Variants in PLS1 observed in about 807,000 individuals in gnomAD.
The protein encoded by PLS1 is plastin 1.
A neutral mutation model predicts 73.7 loss-of-function variants in PLS1; 32 were observed. The observed-to-expected ratio is 0.43, with a 90% CI of 0.33 to 0.58. The LOEUF is 0.58. Ranked by LOEUF, PLS1 falls within the 20% of genes least tolerant of loss-of-function variation. The pLI is 0.04. For missense variants in PLS1, 633 were observed against 740.5 expected, an observed-to-expected ratio of 0.85 and a Z score of 1.68; for synonymous variants, 217 against 261.3, an observed-to-expected ratio of 0.83 and a Z score of 1.63.
intron 1 of PLS1, among the ~76,000 whole-genome samples, chr3:142,640,428 G>C (rs998112771): frequency 6.6e-6 from 1 of 152,158 alleles, no homozygotes; most frequent in Non-Finnish European, 1.5e-5. Flanking sequence ...ATGAAGGCAG[G>C]ATGAACAGAA....
intron 14 of PLS1, among the ~76,000 whole-genome samples, chr3:142,709,994 A>G (rs73002093): frequency 0.07 from 10,642 of 152,038 alleles, 1,223 homozygotes; most frequent in African/African-American, 0.24. Flanking sequence ...TAAGAATCCT[A>G]TGACATTCTA....
chr3:142,706,120 G>A (rs1041188714), intron 14 of PLS1, among the ~76,000 whole-genome samples: 2 of 151,934 alleles, frequency 1.3e-5, no homozygotes, highest in Non-Finnish European at 2.9e-5. Flanking sequence ...AAATATTTAG[G>A]AGCAAATTAA....
Position 142,669,426 on chromosome 3 carries a change from T to G in PLS1, c.107T>G (p.Leu36Arg), listed in dbSNP as rs1196071387. Residue 36 changes from leucine to arginine, a missense_variant, in exon 3 of 16, where the codon CTT (leucine) becomes CGT (arginine). Transcript: ENST00000457734. The part of the protein sequence containing the change: ...DNSGYVSDYE[L>R]QDLFKEASLP... Reference sequence around the variant, plus strand: ...AGTGGGTATGTCAGTGACTATGAACTTCAAGACCTGTTTAAGGAAGCAAGC... The same window carrying G: ...AGTGGGTATGTCAGTGACTATGAACGTCAAGACCTGTTTAAGGAAGCAAGC... 6.2e-7 allele frequency: 1 copy of G among 1,603,524 alleles called. No homozygotes were observed. Among genetic ancestry groups the G allele is most frequent in the South Asian group, 1.1e-5 (1 of 90,732 alleles).
intron 1 of PLS1, among the ~76,000 whole-genome samples, chr3:142,620,711 A>C (rs566076820): frequency 6.6e-6 from 1 of 152,180 alleles, no homozygotes; most frequent in South Asian, 2.1e-4. Flanking sequence ...TCAAATATTC[A>C]TAGGCTGTTA....
At position 142,661,502 on chromosome 3, in the gene PLS1, T is replaced by C. The variant is rs553973212; in HGVS notation, c.-36-2700T>C. Among the ~76,000 whole-genome samples, 11 of 152,278 alleles carry C rather than the reference T, an allele frequency of 7.2e-5. No individual in the cohort carries two copies. In the East Asian group the frequency reaches 1.4e-3, roughly 19 times the overall value. The stretch of plus-strand genomic sequence containing the variant: ...AAGAACACCAAAATTCCTGAATAAA[T>C]TTGTGTACAGATCACAAATGAGCCA... On this transcript the variant is annotated intron_variant, in intron 1 of 15. Transcript: ENST00000457734.
At chr3:142,596,659 G>GC (rs2035821479) in intron 1 of PLS1, 150 bp downstream of exon 1, 1 of 152,408 alleles carries the variant, frequency 6.6e-6, no homozygotes, top group Non-Finnish European at 1.5e-5. Context: ...GCAGTGTGGC[G>GC]CCCGCCGTCC....
intron 1 of PLS1, among the ~76,000 whole-genome samples, chr3:142,627,495 A>G (rs897262229): frequency 6.6e-6 from 1 of 152,046 alleles, no homozygotes; most frequent in Admixed American, 6.6e-5. Flanking sequence ...TCTCAGGAAA[A>G]TTTTTGTCAG....
At chr3:142,637,982 G>A (rs568137588) in intron 1 of PLS1, among the ~76,000 whole-genome samples, 1 of 152,116 alleles carries the variant, frequency 6.6e-6, no homozygotes, top group African/African-American at 2.4e-5. Context: ...GCTAGCCAGC[G>A]CCATCGGAAA....
chr3:142,665,751 T>C (rs1259307187), intron 2 of PLS1, among the ~76,000 whole-genome samples: 1 of 152,166 alleles, frequency 6.6e-6, no homozygotes, highest in East Asian at 1.9e-4. Flanking sequence ...TAATATAATC[T>C]TGCAATATTT....
At chr3:142,641,355 G>A (rs2108613581) in intron 1 of PLS1, among the ~76,000 whole-genome samples, 1 of 147,952 alleles carries the variant, frequency 6.8e-6, no homozygotes, top group East Asian at 2.0e-4. Context: ...AAATATACAA[G>A]TATATAGAAA....
At position 142,669,503 on chromosome 3, in the gene PLS1, G is replaced by A; in HGVS notation, c.184G>A (p.Val62Ile). 1 of 1,613,646 alleles carries A rather than the reference G, an allele frequency of 6.2e-7. No homozygotes were observed. Among genetic ancestry groups the A allele is most frequent in the Non-Finnish European group, 8.5e-7 (1 of 1,179,700 alleles). Reference protein sequence around the residue: ...VREIVEKILSVADSNKDGKIS... With the variant: ...VREIVEKILSIADSNKDGKIS... The stretch of plus-strand genomic sequence containing the variant: ...CGAGATTGTGGAGAAAATTCTATCA[G>A]TTGCTGACAGCAACAAAGATGGCAA... The change falls in exon 3 of 16, where the codon GTT (valine) becomes ATT (isoleucine). Residue 62 changes from valine to isoleucine, a missense_variant. Coordinates refer to ENST00000457734, the MANE Select transcript of PLS1 (RefSeq NM_001145319.2).
At chr3:142,708,043 G>T (rs901632394) in intron 14 of PLS1, among the ~76,000 whole-genome samples, 7 of 152,062 alleles carry the variant, frequency 4.6e-5, no homozygotes, top group Admixed American at 4.6e-4. Flanking sequence ...TACTAAGATT[G>T]TTGTTAGACT....
chr3:142,632,248 A>G (rs1174964196), intron 1 of PLS1, among the ~76,000 whole-genome samples: 1 of 152,190 alleles, frequency 6.6e-6, no homozygotes, highest in Non-Finnish European at 1.5e-5. Flanking sequence ...AAATAACCCC[A>G]TCACAATTTG....
intron 10 of PLS1, 142 bp from the exon 11 acceptor site, chr3:142,694,322 CTTTTT>C (rs1224420034): frequency 6.5e-6 from 3 of 460,962 alleles, no homozygotes; most frequent in Non-Finnish European, 7.7e-6. Context: ...CATTAAGAGA[CTTTTT>C]TTCTCCCTTT....
intron 1 of PLS1, among the ~76,000 whole-genome samples, chr3:142,651,575 C>T (rs564145502): frequency 3.9e-5 from 6 of 152,208 alleles, no homozygotes; most frequent in Non-Finnish European, 5.9e-5. Context: ...AATCCTCCCA[C>T]CTCAGCCTTT....
At chr3:142,614,464 T>G (rs2036178908) in intron 1 of PLS1, among the ~76,000 whole-genome samples, 1 of 152,242 alleles carries the variant, frequency 6.6e-6, no homozygotes, top group Non-Finnish European at 1.5e-5. Flanking sequence ...ACAGCAACCC[T>G]GGCTTAGCCC....
At chr3:142,628,313 T>G (rs1232229995) in intron 1 of PLS1, among the ~76,000 whole-genome samples, 1 of 151,546 alleles carries the variant, frequency 6.6e-6, no homozygotes, top group African/African-American at 2.4e-5. Flanking sequence ...GGAATAAAGA[T>G]GGGTCCCAGA....
At chr3:142,654,609 C>T (rs2037178346) in intron 1 of PLS1, among the ~76,000 whole-genome samples, 1 of 152,156 alleles carries the variant, frequency 6.6e-6, no homozygotes, top group Admixed American at 6.6e-5. Flanking sequence ...TGGCCTTGGC[C>T]TCCCAAAGTG....
chr3:142,673,952 T>C (rs2037665773), intron 4 of PLS1: 2 of 152,234 alleles, frequency 1.3e-5, no homozygotes, highest in South Asian at 4.1e-4. Flanking sequence ...GCCATCCTAG[T>C]GGTTGTGATG....
Sources: gnomAD v4.1 joint callset for allele counts (sites outside exome capture counted in the v4.1 genomes callset) on GRCh38, gnomAD v4.1.1 for gene constraint, MANE v1.5 for transcripts, NCBI Gene and HGNC (gene_info 2026-07-23, HGNC 2026-07-21) for gene names.